The following PPP1R9A variants were observed in gnomAD, a reference collection of about 807,000 sequenced individuals.
The protein encoded by PPP1R9A is neurabin-1.
In PPP1R9A, 59 loss-of-function variants were observed where a neutral mutation model predicts 141.9. The ratio of observed to expected loss-of-function variants is 0.42; its 90% CI spans 0.34 to 0.52. PPP1R9A has a LOEUF of 0.52. Ranked by LOEUF, PPP1R9A falls within the 20% of genes least tolerant of loss-of-function variation. The pLI is 0.10. For missense variants in PPP1R9A, 1,444 were observed against 1,611.9 expected (o/e 0.90, Z 1.78); for synonymous variants, 500 against 569.7 (o/e 0.88, Z 1.74).
At chr7:95,257,057 G>A (rs1223527981) in intron 12 of PPP1R9A, among the ~76,000 whole-genome samples, 1 of 152,086 alleles carries the variant, frequency 6.6e-6, no homozygotes, top group Non-Finnish European at 1.5e-5. Context: ...TTAGAATTTG[G>A]TAAGTTGTTT....
chr7:95,103,364 T>TC (rs1300305455), intron 2 of PPP1R9A, among the ~76,000 whole-genome samples: 1 of 121,120 alleles, frequency 8.3e-6, no homozygotes, highest in Non-Finnish European at 1.7e-5. Context: ...TTTCACTTCT[T>TC]TTTTTTTTTT....
Position 94,910,360 on chromosome 7 carries a change from G to C in PPP1R9A, c.247G>C (p.Val83Leu). 6.2e-7 allele frequency: 1 copy of C among 1,614,132 alleles called. No individual in the cohort carries two copies. The change falls in exon 2 of 20, where the codon GTC (valine) becomes CTC (leucine). Residue 83 changes from valine (V) to leucine (L), a missense_variant. By Grantham distance (32) the Val-to-Leu change is conservative. Around this residue, in one of 5 missense-constraint regions of PPP1R9A, gnomAD observed 490 missense variants for 521.1 expected, o/e 0.94. Transcript: ENST00000433360. This position sits in a 1 kb window ranked among gnomAD's most constrained non-coding sequence, Gnocchi z 4.5. The stretch of plus-strand genomic sequence containing the variant: ...TATGGAACCCAACGAGAATGCTGCA[G>C]TCATTGCCAAAACAAGGGGGAAAGG... ...MGMEPNENAA[V>L]IAKTRGKGGH...
intron 2 of PPP1R9A, among the ~76,000 whole-genome samples, chr7:95,064,824 G>T (rs12532531): frequency 6.6e-6 from 1 of 152,094 alleles, no homozygotes; most frequent in Non-Finnish European, 1.5e-5. Flanking sequence ...GAATTAATGA[G>T]AACTTTTGAT....
intron 2 of PPP1R9A, among the ~76,000 whole-genome samples, chr7:94,929,261 G>A (rs1336415179): frequency 1.3e-5 from 2 of 152,104 alleles, no homozygotes; most frequent in Non-Finnish European, 2.9e-5. Context: ...GCTTGAATTC[G>A]CTTGGGAGAG....
intron 2 of PPP1R9A, among the ~76,000 whole-genome samples, chr7:94,927,665 A>G (rs759449054): frequency 6.6e-6 from 1 of 151,922 alleles, no homozygotes; most frequent in Non-Finnish European, 1.5e-5. Flanking sequence ...TATTGAGATA[A>G]ATAAGACAAA....
At chr7:95,192,015 G>T (rs1835579294) in intron 5 of PPP1R9A, among the ~76,000 whole-genome samples, 1 of 151,954 alleles carries the variant, frequency 6.6e-6, no homozygotes, top group African/African-American at 2.4e-5. Context: ...TTATATTTTT[G>T]AAGGTTTTAA....
chr7:95,033,085 A>G (rs1442069739), intron 2 of PPP1R9A, among the ~76,000 whole-genome samples: 1 of 151,606 alleles, frequency 6.6e-6, no homozygotes, highest in Non-Finnish European at 1.5e-5. Context: ...GCTCACTGCA[A>G]ACTCTGCCTC....
At chr7:95,106,126 GAGTATGATATGGGTAGTAGGTATC>G (rs1317583176) in intron 2 of PPP1R9A, among the ~76,000 whole-genome samples, 3 of 152,108 alleles carry the variant, frequency 2.0e-5, no homozygotes, top group Non-Finnish European at 4.4e-5. Context: ...TAAAAAAAGA[GAGTATGATATGGGTAGTAGGTATC>G]AGGGGAAATA....
chr7:95,258,361 G>A (rs1453418475), intron 12 of PPP1R9A, among the ~76,000 whole-genome samples: 2 of 152,190 alleles, frequency 1.3e-5, no homozygotes, highest in Middle Eastern at 3.4e-3. Context: ...TTTTGATGAG[G>A]TTGTTTGTTT....
intron 5 of PPP1R9A, among the ~76,000 whole-genome samples, chr7:95,197,790 A>G (rs919900284): frequency 6.6e-6 from 1 of 152,068 alleles, no homozygotes; most frequent in African/African-American, 2.4e-5. Context: ...CTGGGACTAC[A>G]GGTGCGCGCC....
chr7:95,221,478 T>C (rs1563445906), intron 7 of PPP1R9A, among the ~76,000 whole-genome samples: 1 of 152,096 alleles, frequency 6.6e-6, no homozygotes, highest in Non-Finnish European at 1.5e-5. Context: ...ATAGCTCTCA[T>C]GAGTGTCCCA....
At chr7:95,180,646 T>C (rs1165805502) in intron 5 of PPP1R9A, among the ~76,000 whole-genome samples, 1 of 151,790 alleles carries the variant, frequency 6.6e-6, no homozygotes, top group Non-Finnish European at 1.5e-5. Flanking sequence ...AGGACTAATA[T>C]CCAGAATCTA....
chr7:95,067,782 G>A (rs1813161310), intron 2 of PPP1R9A, among the ~76,000 whole-genome samples: 1 of 152,096 alleles, frequency 6.6e-6, no homozygotes, highest in Admixed American at 6.5e-5. Context: ...GCCCAATCAG[G>A]TGGTCTACAG....
chr7:94,933,090 T>C (rs1323810914), intron 2 of PPP1R9A, among the ~76,000 whole-genome samples: 1 of 152,046 alleles, frequency 6.6e-6, no homozygotes, highest in Non-Finnish European at 1.5e-5. Flanking sequence ...GACATATATA[T>C]ACACAGCATA....
intron 7 of PPP1R9A, among the ~76,000 whole-genome samples, chr7:95,224,780 A>G (rs1794918029): frequency 6.6e-6 from 1 of 152,046 alleles, no homozygotes; most frequent in African/African-American, 2.4e-5. Context: ...AAGAAAAAAA[A>G]ACAGCAATCA....
chr7:95,271,804 A>G (rs957131244), intron 14 of PPP1R9A, among the ~76,000 whole-genome samples: 1 of 152,190 alleles, frequency 6.6e-6, no homozygotes, highest in Non-Finnish European at 1.5e-5. Context: ...AGAGATTTTA[A>G]AAAGCCTAAC....
intron 7 of PPP1R9A, among the ~76,000 whole-genome samples, chr7:95,218,946 T>C (rs1468700930): frequency 6.6e-6 from 1 of 152,154 alleles, no homozygotes; most frequent in Admixed American, 6.5e-5. Context: ...TGTCTTTTAA[T>C]TGGAGCATTT....
intron 2 of PPP1R9A, among the ~76,000 whole-genome samples, chr7:95,078,351 G>A (rs550033937): frequency 2.5e-3 from 378 of 151,520 alleles, no homozygotes; most frequent in South Asian, 0.011. Flanking sequence ...TGGTATATAT[G>A]TGCCACATTT....
intron 2 of PPP1R9A, among the ~76,000 whole-genome samples, chr7:95,004,800 G>T (rs1457319276): frequency 1.3e-5 from 2 of 152,162 alleles, no homozygotes; most frequent in Non-Finnish European, 2.9e-5. Context: ...TGACAGATGG[G>T]TACATGCACT....
Sources: allele counts gnomAD v4.1 joint callset (sites outside exome capture counted in the v4.1 genomes callset), GRCh38; gene constraint gnomAD v4.1.1; regional missense constraint gnomAD v4.1.1; non-coding constraint Gnocchi (gnomAD v3.1); transcripts MANE v1.5; gene names NCBI Gene and HGNC (gene_info 2026-07-23, HGNC 2026-07-21).